FAF1: variants seen among roughly 807,000 people sequenced by gnomAD.
FAF1 encodes the protein Fas associated factor 1, also known as FAS-associated factor 1.
Under a neutral mutation model 92.5 loss-of-function variants are expected in FAF1, and 25 were observed. The ratio of observed to expected loss-of-function variants is 0.27; its 90% CI spans 0.20 to 0.38. The LOEUF (loss-of-function observed/expected upper bound fraction) is 0.38, where lower values mean the gene tolerates loss of function less well. FAF1 is among the 10% of genes least tolerant of loss of function. FAF1 has a pLI of 1.00. For synonymous variants in FAF1, 234 were observed against 273.2 expected (o/e 0.86, Z 1.42); for missense variants, 636 against 793.3 (o/e 0.80, Z 2.38).
intron 7 of FAF1, among the ~76,000 whole-genome samples, chr1:50,700,891 A>G (rs1179714771): frequency 6.6e-6 from 1 of 152,122 alleles, no homozygotes; most frequent in Non-Finnish European, 1.5e-5. Context: ...AAAGAGCTGC[A>G]TTATAAATAT....
In FAF1 at chr1:50,789,023, G is replaced by C. The variant is rs74504834; in HGVS notation, c.162-818C>G. ...CATTTTTGTATTTTTTTGTAGAAAC[G>C]GAGTCTTGTTAATGTTGCCCGGGCT... On this transcript the variant is annotated intron_variant, in intron 3 of 18. Transcript: ENST00000396153. 6.4e-4 allele frequency among the ~76,000 whole-genome samples: 97 copies of C among 152,052 alleles called. No homozygotes were observed. The East Asian group carries it at 9.3e-3, about 15-fold the overall frequency.
intron 8 of FAF1, among the ~76,000 whole-genome samples, chr1:50,630,120 T>A (rs1283975634): frequency 6.6e-6 from 1 of 152,066 alleles, no homozygotes; most frequent in Non-Finnish European, 1.5e-5. Flanking sequence ...ATAAATATTG[T>A]TTAAATATTG....
chr1:50,657,780 A>G lies in FAF1; in HGVS notation c.658-2252T>C, dbSNP rs547194356. ...GAAAGGAGAAACAAAAAATAAAACA[A>G]AAACACAGAACTCACTCTATTTTTA... On this transcript the variant is annotated intron_variant, in intron 7 of 18. Coordinates refer to ENST00000396153, the MANE Select transcript of FAF1 (RefSeq NM_007051.3). 1.2e-4 allele frequency among the ~76,000 whole-genome samples: 19 copies of G among 152,360 alleles called. 1 individual carries two copies. The South Asian group carries it at 3.5e-3, about 28-fold the overall frequency.
At chr1:50,710,951 C>A (rs547139531) in intron 6 of FAF1, among the ~76,000 whole-genome samples, 4 of 148,378 alleles carry the variant, frequency 2.7e-5, no homozygotes, top group Non-Finnish European at 5.9e-5. Flanking sequence ...GCACTGTCAC[C>A]CAGGCTGGAG....
intron 15 of FAF1, among the ~76,000 whole-genome samples, chr1:50,499,580 G>T (rs181804967): frequency 9.7e-4 from 148 of 152,106 alleles, no homozygotes; most frequent in Non-Finnish European, 1.7e-3. Flanking sequence ...ACAATGAAAA[G>T]GAAGTAGAAC....
chr1:50,738,226 C>A (rs1269307195), intron 6 of FAF1, among the ~76,000 whole-genome samples: 1 of 151,844 alleles, frequency 6.6e-6, no homozygotes, highest in East Asian at 1.9e-4. Flanking sequence ...GGCAGATCAC[C>A]TAAGGTCAGG....
intron 4 of FAF1, among the ~76,000 whole-genome samples, chr1:50,782,284 T>C (rs1290359289): frequency 6.6e-6 from 1 of 152,154 alleles, no homozygotes; most frequent in Non-Finnish European, 1.5e-5. Context: ...TGTCTGTTAC[T>C]GCCTCTGAAA....
At chr1:50,780,986 C>T (rs1557524457) in intron 4 of FAF1, 2 of 483,338 alleles carry the variant, frequency 4.1e-6, no homozygotes, top group Non-Finnish European at 8.3e-6. Context: ...AAGGGTGACT[C>T]CAAGGCAGCT....
chr1:50,828,445 T>G (rs968954080), intron 2 of FAF1, among the ~76,000 whole-genome samples: 1 of 151,834 alleles, frequency 6.6e-6, no homozygotes, highest in Non-Finnish European at 1.5e-5. Flanking sequence ...ATTTTTTGTA[T>G]TTTTTAGTAG....
At chr1:50,516,527 A>G (rs902125154) in intron 15 of FAF1, among the ~76,000 whole-genome samples, 40 of 152,302 alleles carry the variant, frequency 2.6e-4, no homozygotes, top group African/African-American at 9.1e-4. Context: ...TTTACCAACT[A>G]AACTATATTC....
In FAF1 at chr1:50,580,126, A is replaced by G. The variant is rs1367303233; in HGVS notation, c.1113+2492T>C. Reference sequence around the variant, plus strand: ...TTTCTGTGCAGTTTAAGTTTCAATAACTTCAAAAGCTTAACTGCTAAAAAC... The same window carrying G: ...TTTCTGTGCAGTTTAAGTTTCAATAGCTTCAAAAGCTTAACTGCTAAAAAC... On this transcript the variant is annotated intron_variant, in intron 12 of 18. Transcript: ENST00000396153. 1.3e-5 allele frequency among the ~76,000 whole-genome samples: 2 copies of G among 152,070 alleles called. 1 individual carries two copies. Among genetic ancestry groups the G allele is most frequent in the Non-Finnish European group, 2.9e-5 (2 of 67,980 alleles).
chr1:50,489,266 C>G (rs75273373), intron 17 of FAF1, among the ~76,000 whole-genome samples: 3,758 of 152,284 alleles, frequency 0.025, 170 homozygotes, highest in African/African-American at 0.086. Flanking sequence ...AGGTCTTCTT[C>G]AAAAAACATT....
chr1:50,624,987 C>T (rs1225923374), intron 8 of FAF1, among the ~76,000 whole-genome samples: 4 of 151,162 alleles, frequency 2.6e-5, no homozygotes, highest in East Asian at 1.9e-4. Context: ...CTGAACCCTC[C>T]GCCTCCCAGG....
intron 12 of FAF1, among the ~76,000 whole-genome samples, chr1:50,572,767 G>C (rs1650505820): frequency 6.6e-6 from 1 of 152,210 alleles, no homozygotes; most frequent in Non-Finnish European, 1.5e-5. Flanking sequence ...AGGAAGTAAG[G>C]CTGGCAAATC....
chr1:50,450,292 TATGAG>T (rs1646280391), intron 18 of FAF1, among the ~76,000 whole-genome samples: 1 of 152,158 alleles, frequency 6.6e-6, no homozygotes, highest in African/African-American at 2.4e-5. Context: ...CCAACAATTC[TATGAG>T]ATAAGTACTC....
intron 7 of FAF1, among the ~76,000 whole-genome samples, chr1:50,704,957 A>G (rs998026210): frequency 2.1e-4 from 32 of 152,370 alleles, no homozygotes; most frequent in African/African-American, 6.3e-4. Context: ...TTATTTTAAG[A>G]AATGTAGTCT....
intron 7 of FAF1, among the ~76,000 whole-genome samples, chr1:50,675,816 T>C (rs1413601445): frequency 1.3e-5 from 2 of 152,166 alleles, no homozygotes; most frequent in Non-Finnish European, 2.9e-5. Context: ...TACAATGTGA[T>C]AGTTATAATG....
intron 18 of FAF1, among the ~76,000 whole-genome samples, chr1:50,459,944 T>C (rs1646404325): frequency 6.6e-6 from 1 of 152,232 alleles, no homozygotes; most frequent in Admixed American, 6.5e-5. Context: ...TAAATGGTTT[T>C]ATGAGGGCAA....
intron 1 of FAF1, among the ~76,000 whole-genome samples, chr1:50,881,970 G>C (rs1644616152): frequency 6.6e-6 from 1 of 152,100 alleles, no homozygotes; most frequent in Admixed American, 6.5e-5. Flanking sequence ...GATGTATTTG[G>C]AGATTATGTA....
Sources: allele counts gnomAD v4.1 joint callset (sites outside exome capture counted in the v4.1 genomes callset), GRCh38; gene constraint gnomAD v4.1.1; transcripts MANE v1.5; gene names NCBI Gene and HGNC (gene_info 2026-07-23, HGNC 2026-07-21).